HTR1E: variants seen among roughly 807,000 people sequenced by gnomAD.
The protein encoded by HTR1E is 5-hydroxytryptamine receptor 1E.
HTR1E carries 3 observed loss-of-function variants against 3.4 expected under a neutral mutation model. That is an observed-to-expected ratio of 0.89 (90% CI 0.41 to 2.31). The LOEUF is 2.31. HTR1E is among the 30% of genes most tolerant of loss of function. The pLI, the probability that HTR1E is intolerant of heterozygous loss-of-function variation, is 0.05. For missense variants in HTR1E, 392 were observed against 467.0 expected (o/e 0.84, Z 1.48); for synonymous variants, 170 against 182.8 (o/e 0.93, Z 0.56).
intron 1 of HTR1E, among the ~76,000 whole-genome samples, chr6:86,955,210 T>C (rs1767303642): frequency 6.6e-6 from 1 of 152,232 alleles, no homozygotes; most frequent in African/African-American, 2.4e-5. Context: ...CATTTGCACT[T>C]ACCAATCATG....
intron 1 of HTR1E, among the ~76,000 whole-genome samples, chr6:86,946,103 GA>G (rs796077014): frequency 2.2e-4 from 33 of 152,138 alleles, no homozygotes; most frequent in Non-Finnish European, 4.4e-4. Context: ...ATTGGAGAGA[GA>G]AAAAATGGTT....
At chr6:86,951,285 T>A (rs898087445) in intron 1 of HTR1E, among the ~76,000 whole-genome samples, 1 of 152,228 alleles carries the variant, frequency 6.6e-6, no homozygotes, top group African/African-American at 2.4e-5. Context: ...TCAAGCTAGC[T>A]TGAAACTCTT....
intron 1 of HTR1E, among the ~76,000 whole-genome samples, chr6:86,944,220 T>TC (rs1768584167): frequency 6.6e-6 from 1 of 152,178 alleles, no homozygotes; most frequent in Non-Finnish European, 1.5e-5. Flanking sequence ...AGAAGTGATA[T>TC]CCCATGGCTT....
intron 1 of HTR1E, among the ~76,000 whole-genome samples, chr6:87,007,832 G>A (rs972358258): frequency 6.6e-6 from 1 of 152,048 alleles, no homozygotes; most frequent in Non-Finnish European, 1.5e-5. Context: ...TGCTCAAAAG[G>A]CTGAGGCAGA....
intron 1 of HTR1E, among the ~76,000 whole-genome samples, chr6:86,964,510 A>G (rs371704304): frequency 2.6e-5 from 4 of 151,958 alleles, no homozygotes; most frequent in Middle Eastern, 3.2e-3. Context: ...ATATAGCAGA[A>G]CTGTCTGCAG....
At chr6:86,955,967 G>C (rs1767316362) in intron 1 of HTR1E, among the ~76,000 whole-genome samples, 1 of 151,994 alleles carries the variant, frequency 6.6e-6, no homozygotes, top group African/African-American at 2.4e-5. Flanking sequence ...TTCAGGCCAT[G>C]ATGGGAATGG....
intron 1 of HTR1E, among the ~76,000 whole-genome samples, chr6:87,007,497 A>G (rs1398181939): frequency 6.6e-6 from 1 of 152,246 alleles, no homozygotes; most frequent in East Asian, 1.9e-4. Context: ...TTGTAACACA[A>G]AGAAAGAATA....
At chr6:86,940,148 C>A (rs759443034) in intron 1 of HTR1E, among the ~76,000 whole-genome samples, 8 of 152,064 alleles carry the variant, frequency 5.3e-5, no homozygotes, top group Non-Finnish European at 8.8e-5. Context: ...TCATTCACAG[C>A]ACATTGTCCC....
chr6:86,965,867 G>A (rs1767464736), intron 1 of HTR1E, among the ~76,000 whole-genome samples: 1 of 151,988 alleles, frequency 6.6e-6, no homozygotes, highest in African/African-American at 2.4e-5. Flanking sequence ...GGGTAGGAGG[G>A]GGCTGAGGGA....
intron 1 of HTR1E, among the ~76,000 whole-genome samples, chr6:86,961,867 A>G (rs1767412810): frequency 6.6e-6 from 1 of 152,208 alleles, no homozygotes. Flanking sequence ...TTTTTAACCT[A>G]GTCTAAATTC....
At chr6:87,004,719 C>T (rs1005082904) in intron 1 of HTR1E, among the ~76,000 whole-genome samples, 1 of 152,084 alleles carries the variant, frequency 6.6e-6, no homozygotes, top group African/African-American at 2.4e-5. Flanking sequence ...TGTTATTTAA[C>T]ATAGTGCTGG....
intron 1 of HTR1E, among the ~76,000 whole-genome samples, chr6:86,993,834 A>G (rs2127828389): frequency 6.6e-6 from 1 of 152,290 alleles, no homozygotes; most frequent in East Asian, 1.9e-4. Context: ...AAATCTGCAG[A>G]CGAAAAGGAT....
At chr6:86,992,532 G>A (rs1246040702) in intron 1 of HTR1E, among the ~76,000 whole-genome samples, 1 of 152,274 alleles carries the variant, frequency 6.6e-6, no homozygotes, top group South Asian at 2.1e-4. Flanking sequence ...CTTGATGGCT[G>A]AAGAATAAAT....
intron 1 of HTR1E, among the ~76,000 whole-genome samples, chr6:87,002,639 G>C (rs1161872143): frequency 6.6e-6 from 1 of 152,032 alleles, no homozygotes; most frequent in Non-Finnish European, 1.5e-5. Flanking sequence ...CCTTTAGCTA[G>C]ACACAGAGTG....
chr6:87,016,164 A>G lies in HTR1E; in HGVS notation c.830A>G (p.Glu277Gly). 6.2e-7 allele frequency: 1 copy of G among 1,614,060 alleles called. No homozygotes were observed. Among genetic ancestry groups the G allele is most frequent in the South Asian group, 1.1e-5 (1 of 91,066 alleles). ...GACAATGATCTAGATCACCCAGGAG[A>G]ACGTCAGCAGATCTCTAGCACCAGG... Reference protein sequence around the residue: ...PFDNDLDHPGERQQISSTRER... With the variant: ...PFDNDLDHPGGRQQISSTRER... Residue 277 changes from glutamate to glycine, a missense_variant, in exon 2 of 2, where the codon GAA becomes GGA. Transcript: ENST00000305344.
chr6:86,977,778 T>C (rs1400296470), intron 1 of HTR1E, among the ~76,000 whole-genome samples: 3 of 152,236 alleles, frequency 2.0e-5, no homozygotes, highest in South Asian at 2.1e-4. Flanking sequence ...CATATTGTGA[T>C]TATCATTTCG....
At chr6:86,998,314 T>C (rs1582278529) in intron 1 of HTR1E, among the ~76,000 whole-genome samples, 1 of 152,060 alleles carries the variant, frequency 6.6e-6, no homozygotes, top group Admixed American at 6.5e-5. Flanking sequence ...ATCACCAAGA[T>C]AGACTACAAG....
At chr6:86,994,643 A>G (rs558585484) in intron 1 of HTR1E, among the ~76,000 whole-genome samples, 5 of 152,330 alleles carry the variant, frequency 3.3e-5, no homozygotes, top group African/African-American at 1.2e-4. Flanking sequence ...CTAGACAGAA[A>G]TGATAAGGAG....
intron 1 of HTR1E, among the ~76,000 whole-genome samples, chr6:87,005,313 G>T (rs577751783): frequency 1.3e-5 from 2 of 152,190 alleles, no homozygotes; most frequent in Admixed American, 6.5e-5. Context: ...AAAACTGGAC[G>T]AATAACATTA....
Sources: allele counts gnomAD v4.1 joint callset (sites outside exome capture counted in the v4.1 genomes callset), GRCh38; gene constraint gnomAD v4.1.1; transcripts MANE v1.5; gene names NCBI Gene and HGNC (gene_info 2026-07-23, HGNC 2026-07-21).